Variants in EHMT1 observed in about 807,000 individuals in gnomAD.
EHMT1 encodes histone-lysine N-methyltransferase EHMT1.
EHMT1 carries 15 observed loss-of-function variants against 147.2 expected under a neutral mutation model. The ratio of observed to expected loss-of-function variants is 0.10; its 90% CI spans 0.07 to 0.16. The LOEUF is 0.16. Among genes scored for constraint, EHMT1 ranks in the 10% least tolerant of loss-of-function variants. The pLI is 1.00. For synonymous variants in EHMT1, 795 were observed against 709.6 expected (o/e 1.12, Z -1.91); for missense variants, 1,587 against 1,772.4 (o/e 0.90, Z 1.88).
chr9:137,776,735 G>T lies in EHMT1; in HGVS notation c.1909G>T (p.Ala637Ser). 6 of 1,614,050 alleles carry T rather than the reference G, an allele frequency of 3.7e-6. No homozygotes were observed. The highest frequency in any genetic ancestry group is 5.1e-6 in the Non-Finnish European group (6 of 1,180,012). Reference sequence around the variant, plus strand: ...CCACTGTGGGGAGGAGAGCTCCAAGGCCAAAGAGGTGACGATAGCTAAAGC... The same window carrying T: ...CCACTGTGGGGAGGAGAGCTCCAAGTCCAAAGAGGTGACGATAGCTAAAGC... ...CPHCGEESSK[A>S]KEVTIAKADT... is the part of the protein sequence containing the mutation. Residue 637 changes from alanine (A) to serine (S), a missense_variant, in exon 12 of 27, where the codon GCC becomes TCC. Around this residue, in one of 7 missense-constraint regions of EHMT1, gnomAD observed 124 missense variants for 197.8 expected, o/e 0.63. Coordinates refer to ENST00000460843, the MANE Select transcript of EHMT1 (RefSeq NM_024757.5). The surrounding 1 kb of genome is among the most constrained non-coding windows in gnomAD (Gnocchi z 4.4).
intron 18 of EHMT1, among the ~76,000 whole-genome samples, chr9:137,804,950 T>G (rs1953803444): frequency 6.6e-6 from 1 of 152,140 alleles, no homozygotes; most frequent in South Asian, 2.1e-4. Context: ...CAGTCATCCA[T>G]GTATGAGTCC....
In EHMT1 at chr9:137,741,988, G is replaced by A. The variant is rs1449636372; in HGVS notation, c.824-1383G>A. Among the ~76,000 whole-genome samples, 3 of 152,172 alleles carry A rather than the reference G, an allele frequency of 2.0e-5. No individual in the cohort carries two copies. In the East Asian group the frequency reaches 5.8e-4, roughly 29 times the overall value. On this transcript the variant is annotated intron_variant, in intron 4 of 26. Coordinates refer to ENST00000460843, the MANE Select transcript of EHMT1 (RefSeq NM_024757.5). ...GTTTAGGATTCCCAGGGCTACCAAG[G>A]GATTTCTGTTGCTTGAGCACAGCCA...
At chr9:137,718,194 C>A (rs543749323) in intron 3 of EHMT1, among the ~76,000 whole-genome samples, 1 of 150,706 alleles carries the variant, frequency 6.6e-6, no homozygotes, top group African/African-American at 2.4e-5. Context: ...CCGCCCCTCA[C>A]GCGCACCGTG....
At chr9:137,662,190 A>T (rs1939154272) in intron 1 of EHMT1, among the ~76,000 whole-genome samples, 1 of 152,004 alleles carries the variant, frequency 6.6e-6, no homozygotes, top group Admixed American at 6.5e-5. Context: ...CAAATTGCTG[A>T]TATTTTTGTT....
chr9:137,646,999 C>T (rs144631277), intron 1 of EHMT1, among the ~76,000 whole-genome samples: 6 of 152,178 alleles, frequency 3.9e-5, no homozygotes, highest in East Asian at 1.9e-4. Flanking sequence ...TCTCAGCCTT[C>T]GTCTTACTGG....
At chr9:137,701,254 C>T (rs541314244) in intron 1 of EHMT1, among the ~76,000 whole-genome samples, 6 of 152,012 alleles carry the variant, frequency 3.9e-5, no homozygotes, top group East Asian at 3.9e-4. Context: ...CCTCCTAAAT[C>T]TCATGTCCTT....
intron 6 of EHMT1, chr9:137,747,892 C>T (rs1289863156): frequency 1.3e-5 from 2 of 152,122 alleles, no homozygotes; most frequent in Non-Finnish European, 2.9e-5. Context: ...GTAGGATGGT[C>T]GTGTTTGAAG....
chr9:137,828,076 G>C lies in EHMT1; in HGVS notation c.3541-6273G>C, dbSNP rs550643246. On this transcript the variant is annotated intron_variant, in intron 25 of 26. Coordinates refer to ENST00000460843, the MANE Select transcript of EHMT1 (RefSeq NM_024757.5). This position sits in a 1 kb window ranked among gnomAD's most constrained non-coding sequence, Gnocchi z 5.3. The stretch of plus-strand genomic sequence containing the variant: ...CTGCCATCGTGGGAGGGACGTGGAC[G>C]AACGGCACGCAGTGGGAGGCCATGG... 9.9e-5 allele frequency among the ~76,000 whole-genome samples: 15 copies of C among 152,284 alleles called. No individual in the cohort carries two copies. The East Asian group carries it at 2.9e-3, about 30-fold the overall frequency.
chr9:137,750,034 A>T (rs181489390), intron 6 of EHMT1, among the ~76,000 whole-genome samples: 82 of 152,362 alleles, frequency 5.4e-4, no homozygotes, highest in Non-Finnish European at 7.5e-4. Flanking sequence ...ATAAACATTA[A>T]TATTTTAAAA....
At chr9:137,690,753 C>T (rs770598774) in intron 1 of EHMT1, among the ~76,000 whole-genome samples, 2 of 152,040 alleles carry the variant, frequency 1.3e-5, no homozygotes, top group Non-Finnish European at 2.9e-5. Flanking sequence ...TAAACATTCC[C>T]GTGTTGGTGG....
chr9:137,775,340 T>C lies in EHMT1; in HGVS notation c.1791+88T>C. The C allele has an allele frequency of 1.3e-6, 2 of 1,550,906 alleles. No individual in the cohort carries two copies. The highest frequency in any genetic ancestry group is 1.7e-6 in the Non-Finnish European group (2 of 1,150,622). On this transcript the variant is annotated intron_variant, in intron 11 of 26. Coordinates refer to ENST00000460843, the MANE Select transcript of EHMT1 (RefSeq NM_024757.5). The surrounding 1 kb of genome is among the most constrained non-coding windows in gnomAD (Gnocchi z 6.1). ...TGGTTCCTGTCCTGTGTCCACCTGCTGTCGGGTGGTCCAGCAGCTGGCCCA... is the reference window on the plus strand; with the variant it reads ...TGGTTCCTGTCCTGTGTCCACCTGCCGTCGGGTGGTCCAGCAGCTGGCCCA...
intron 10 of EHMT1, among the ~76,000 whole-genome samples, chr9:137,768,151 T>C (rs188853152): frequency 2.6e-5 from 4 of 152,182 alleles, no homozygotes; most frequent in African/African-American, 9.6e-5. Flanking sequence ...ACCAGCAAAA[T>C]CACCCAGTGA....
intron 1 of EHMT1, among the ~76,000 whole-genome samples, chr9:137,693,022 C>T (rs1293408453): frequency 6.6e-6 from 1 of 152,098 alleles, no homozygotes; most frequent in African/African-American, 2.4e-5. Context: ...GGCTTTGGAC[C>T]CTTTGGCGAA....
intron 3 of EHMT1, among the ~76,000 whole-genome samples, chr9:137,718,479 T>C (rs758025484): frequency 6.6e-6 from 1 of 152,248 alleles, no homozygotes; most frequent in African/African-American, 2.4e-5. Context: ...AGCCACTGTT[T>C]AGGGCTTCAC....
intron 1 of EHMT1, among the ~76,000 whole-genome samples, chr9:137,669,693 A>G (rs1035430051): frequency 9.2e-5 from 14 of 151,458 alleles, no homozygotes; most frequent in Admixed American, 5.3e-4. Flanking sequence ...TTGTGTCCCT[A>G]TGTAAAAAAA....
intron 10 of EHMT1, among the ~76,000 whole-genome samples, chr9:137,770,287 A>T (rs1950509811): frequency 2.0e-5 from 3 of 152,104 alleles, no homozygotes; most frequent in Admixed American, 6.6e-5. Flanking sequence ...GTTGGCCTTT[A>T]AAATTATTCA....
At chr9:137,749,128 A>AGCTCCTGGCCT (rs1948778037) in intron 6 of EHMT1, among the ~76,000 whole-genome samples, 1 of 152,132 alleles carries the variant, frequency 6.6e-6, no homozygotes, top group Admixed American at 6.5e-5. Context: ...AGATGTGGGA[A>AGCTCCTGGCCT]GCTCCTGGCC....
chr9:137,743,586 A>G, intron 5 of EHMT1, 58 bp downstream of exon 5: 1 of 1,611,800 alleles, frequency 6.2e-7, no homozygotes, highest in Non-Finnish European at 8.5e-7. Flanking sequence ...TTCTGTGTTC[A>G]GGGCCTCGTT....
chr9:137,791,124 A>G (rs907978083), intron 16 of EHMT1, among the ~76,000 whole-genome samples, 154 bp downstream of exon 16: 2 of 152,156 alleles, frequency 1.3e-5, no homozygotes, highest in African/African-American at 4.8e-5. Flanking sequence ...CACTTTGGTT[A>G]CCTGGTTTAT....
Sources: allele counts gnomAD v4.1 joint callset (sites outside exome capture counted in the v4.1 genomes callset), GRCh38; gene constraint gnomAD v4.1.1; regional missense constraint gnomAD v4.1.1; non-coding constraint Gnocchi (gnomAD v3.1); transcripts MANE v1.5; gene names NCBI Gene and HGNC (gene_info 2026-07-23, HGNC 2026-07-21).